Variants in HECTD4 observed in about 807,000 individuals in gnomAD.
HECTD4 encodes the protein HECT domain E3 ubiquitin protein ligase 4.
HECTD4 carries 114 observed loss-of-function variants against 471.5 expected under a neutral mutation model. That is an observed-to-expected ratio of 0.24 (90% CI 0.21 to 0.28). The LOEUF (loss-of-function observed/expected upper bound fraction) is 0.28. Ranked by LOEUF, HECTD4 falls within the 10% of genes least tolerant of loss-of-function variation. The pLI is 1.00. For missense variants in HECTD4, 3,866 were observed against 5,651.5 expected (o/e 0.68, Z 10.13); for synonymous variants, 2,012 against 2,256.0 (o/e 0.89, Z 3.07).
intron 29 of HECTD4, among the ~76,000 whole-genome samples, chr12:112,246,267 G>C (rs1001874917): frequency 1.3e-5 from 2 of 152,116 alleles, no homozygotes; most frequent in African/African-American, 4.8e-5. Context: ...TTCAAGTAAA[G>C]AGGAAAAAAG....
Position 112,239,029 on chromosome 12 carries a change from T to TA in HECTD4, c.5290+22dup. 1 of 1,595,810 alleles carries TA rather than the reference T, an allele frequency of 6.3e-7. No individual in the cohort carries two copies. The highest frequency in any genetic ancestry group is 1.1e-5 in the South Asian group (1 of 87,368). Reference sequence around the variant, plus strand: ...ACCAATAGAAGAAATCAGTGAGCTCTAGAAAGGAGTCTGGCATCTCACCTT... The same window carrying TA: ...ACCAATAGAAGAAATCAGTGAGCTCTAAGAAAGGAGTCTGGCATCTCACCTT... On this transcript the variant is annotated intron_variant, in intron 34 of 75. Transcript: ENST00000682272. This position sits in a 1 kb window ranked among gnomAD's most constrained non-coding sequence, Gnocchi z 4.9.
chr12:112,213,691 A>AAT lies in HECTD4; in HGVS notation c.7466-1043_7466-1042dup. 7.3e-6 allele frequency among the ~76,000 whole-genome samples: 1 copy of AAT among 137,044 alleles called. No homozygotes were observed. The highest frequency in any genetic ancestry group is 1.5e-5 in the Non-Finnish European group (1 of 65,854). 89.9% of individuals were successfully genotyped at this position (137,044 alleles called of 152,430 possible). A position where few individuals can be genotyped will look rare whatever the true frequency, so the allele number is the denominator to read the frequency against. ...ACAGAGCAAGACTCCGTCTCAAAAA[A>AAT]ATATATACATATATATATATATATA... is the stretch of plus-strand genomic sequence containing the variant. On this transcript the variant is annotated intron_variant, in intron 48 of 75. Coordinates refer to ENST00000682272, the MANE Select transcript of HECTD4 (RefSeq NM_001388303.1). This position sits in a 1 kb window ranked among gnomAD's most constrained non-coding sequence, Gnocchi z 4.0.
intron 11 of HECTD4, 52 bp from the exon 12 acceptor site, chr12:112,270,511 C>T (rs979736853): frequency 2.1e-6 from 3 of 1,451,908 alleles, no homozygotes; most frequent in African/African-American, 2.8e-5. Context: ...ATGGGTGGTC[C>T]CCAAAGAATA....
At position 112,194,106 on chromosome 12, in the gene HECTD4, C is replaced by T. The variant is rs918823212; in HGVS notation, c.8750-432G>A. On this transcript the variant is annotated intron_variant, in intron 56 of 75. Coordinates refer to ENST00000682272, the MANE Select transcript of HECTD4 (RefSeq NM_001388303.1). The surrounding 1 kb of genome is among the most constrained non-coding windows in gnomAD (Gnocchi z 4.6). ...TTCTGCCACCACATTTGATGCTTTCCAGGTATATTTCAGGGCATCTAAGTT... is the reference window on the plus strand; with the variant it reads ...TTCTGCCACCACATTTGATGCTTTCTAGGTATATTTCAGGGCATCTAAGTT... Among the ~76,000 whole-genome samples the T allele has an allele frequency of 2.6e-5, 4 of 152,144 alleles. No homozygotes were observed. Among genetic ancestry groups the T allele is most frequent in the African/African-American group, 9.7e-5 (4 of 41,410 alleles).
In HECTD4 at chr12:112,248,156, C is replaced by G; in HGVS notation, c.4159G>C (p.Glu1387Gln). The change falls in exon 27 of 76, where the codon GAA (glutamate) becomes CAA (glutamine). Residue 1387 changes from glutamate to glutamine, a missense_variant. This residue lies in a region of HECTD4 where 281 missense variants were observed against 499.9 expected (regional missense o/e 0.56). Transcript: ENST00000682272. ...TCAACTTCACTTTGCCATTTTTGTTCCAGTTCTGCAACACTCTAATAAATA... is the reference window on the plus strand; with the variant it reads ...TCAACTTCACTTTGCCATTTTTGTTGCAGTTCTGCAACACTCTAATAAATA... ...ERQLQSVAEL[E>Q]QKWQSEVDDA... is the part of the protein sequence containing the mutation. 6.2e-7 allele frequency: 1 copy of G among 1,612,840 alleles called. No individual in the cohort carries two copies.
chr12:112,345,876 T>C (rs552284911), intron 1 of HECTD4, among the ~76,000 whole-genome samples: 4 of 152,160 alleles, frequency 2.6e-5, no homozygotes, highest in South Asian at 2.1e-4. Context: ...GCCTGGGCGA[T>C]AGAGCGAGAC....
intron 7 of HECTD4, 94 bp downstream of exon 7, chr12:112,305,970 G>T: frequency 8.7e-7 from 1 of 1,147,306 alleles, no homozygotes; most frequent in Non-Finnish European, 1.2e-6. Context: ...CACTATACAC[G>T]CTGCAAGGTT....
At chr12:112,234,038 T>G (rs955794560) in intron 37 of HECTD4, among the ~76,000 whole-genome samples, 2 of 152,214 alleles carry the variant, frequency 1.3e-5, no homozygotes. Flanking sequence ...TGGGTATATT[T>G]TTATATTTTT....
intron 58 of HECTD4, 124 bp downstream of exon 58, chr12:112,192,937 A>G: frequency 1.6e-6 from 2 of 1,287,644 alleles, no homozygotes; most frequent in Non-Finnish European, 2.2e-6. Context: ...AGAAATATGG[A>G]GAGAATTGTA....
rs574172207 is a variant in HECTD4 at position 112,194,614 on chromosome 12, A to T, written c.8749+271T>A. 6.6e-6 allele frequency among the ~76,000 whole-genome samples: 1 copy of T among 152,370 alleles called. No homozygotes were observed. The highest frequency in any genetic ancestry group is 6.5e-5 in the Admixed American group (1 of 15,308). On this transcript the variant is annotated intron_variant, in intron 56 of 75. Transcript: ENST00000682272. This position sits in a 1 kb window ranked among gnomAD's most constrained non-coding sequence, Gnocchi z 4.6. ...GGCAACAATACAGTGACTTGGTTTC[A>T]TAAGTAATACTTAATTTTCCTTGAT...
intron 64 of HECTD4, among the ~76,000 whole-genome samples, chr12:112,177,269 T>A (rs932412344): frequency 1.3e-5 from 2 of 152,204 alleles, no homozygotes; most frequent in Admixed American, 6.5e-5. Flanking sequence ...CTGGGTAATA[T>A]TTTGCTATCA....
rs1237911590 is a variant in HECTD4 at position 112,194,793 on chromosome 12, A to G, written c.8749+92T>C. 8.4e-7 allele frequency: 1 copy of G among 1,188,662 alleles called. No homozygotes were observed. Among genetic ancestry groups the G allele is most frequent in the East Asian group, 2.6e-5 (1 of 38,926 alleles). 73.6% of individuals were successfully genotyped at this position (1,188,662 alleles called of 1,614,324 possible). A position where few individuals can be genotyped will look rare whatever the true frequency, so the allele number is the denominator to read the frequency against. On this transcript the variant is annotated intron_variant, in intron 56 of 75. Transcript: ENST00000682272. The surrounding 1 kb of genome is among the most constrained non-coding windows in gnomAD (Gnocchi z 4.6). ...CGTGAGCCTATGCGCACCATGAGGC[A>G]TTTCTCGCCCTCATGCAGGGAATGA...
Position 112,261,329 on chromosome 12 carries a change from C to G in HECTD4, c.2849G>C (p.Ser950Thr), listed in dbSNP as rs1438272335. The change falls in exon 18 of 76, where the codon AGT becomes ACT. Residue 950 changes from serine (S) to threonine (T), a missense_variant. Coordinates refer to ENST00000682272, the MANE Select transcript of HECTD4 (RefSeq NM_001388303.1). Reference protein sequence around the residue: ...LQQVTTALINSDIADREQRLK... With the variant: ...LQQVTTALINTDIADREQRLK... ...CCTCTGCTCACGGTCTGCTATGTCA[C>G]TATTTATGAGGGCAGTTGTGACCTG... The G allele has an allele frequency of 2.5e-6, 4 of 1,607,556 alleles. No homozygotes were observed. In the African/African-American group the frequency reaches 5.3e-5, roughly 21 times the overall value.
intron 44 of HECTD4, chr12:112,226,360 T>C (rs1161978993): frequency 7.2e-6 from 2 of 277,398 alleles, no homozygotes; most frequent in Non-Finnish European, 1.3e-5. Context: ...ATAGTTCTAA[T>C]AGGTAAATAA....
chr12:112,179,189 C>A lies in HECTD4; in HGVS notation c.11196G>T (p.Glu3732Asp). 2 of 1,613,778 alleles carry A rather than the reference C, an allele frequency of 1.2e-6. No individual in the cohort carries two copies. Among genetic ancestry groups the A allele is most frequent in the Non-Finnish European group, 1.7e-6 (2 of 1,179,810 alleles). ...TNVRPPKKVL[E>D]DQLTQILRKY... The stretch of plus-strand genomic sequence containing the variant: ...GGGCAGCTACCTGGGTGAGCTGATC[C>A]TCCAGCACCTTTTTTGGCGGCCGGA... The change falls in exon 63 of 76, where the codon GAG (glutamate) becomes GAT (aspartate). Residue 3732 changes from glutamate to aspartate, a missense_variant. Glu to Asp is a conservative substitution (Grantham distance 45, BLOSUM62 2). Transcript: ENST00000682272. This position sits in a 1 kb window ranked among gnomAD's most constrained non-coding sequence, Gnocchi z 4.3.
chr12:112,162,368 A>T lies in HECTD4; in HGVS notation c.*19T>A, dbSNP rs2030721455. On this transcript the variant is annotated 3_prime_UTR_variant, in exon 76 of 76. Transcript: ENST00000682272. The surrounding 1 kb of genome is among the most constrained non-coding windows in gnomAD (Gnocchi z 5.2). Reference sequence around the variant, plus strand: ...GAGTGGGTGCCTCAGTGACAGCCTAATTCTGGGGCTCCCTCCCATCAGCCA... The same window carrying T: ...GAGTGGGTGCCTCAGTGACAGCCTATTTCTGGGGCTCCCTCCCATCAGCCA... 6.2e-7 allele frequency: 1 copy of T among 1,613,792 alleles called. No individual in the cohort carries two copies. Among genetic ancestry groups the T allele is most frequent in the African/African-American group, 1.3e-5 (1 of 75,048 alleles).
In HECTD4 at chr12:112,219,376, G is replaced by A. The variant is rs758778277; in HGVS notation, c.7074+10C>T. 2.0e-5 allele frequency: 32 copies of A among 1,608,952 alleles called. No individual in the cohort carries two copies. Among genetic ancestry groups the A allele is most frequent in the Non-Finnish European group, 2.5e-5 (29 of 1,175,970 alleles). On this transcript the variant is annotated intron_variant, in intron 45 of 75. Coordinates refer to ENST00000682272, the MANE Select transcript of HECTD4 (RefSeq NM_001388303.1). ...GCTGCAGGAGGCGCGAAGCACCGCA[G>A]AGGGCTCACCTGTCTTCGGTCAGCC...
At chr12:112,180,320 G>T (rs1445365817) in intron 62 of HECTD4, among the ~76,000 whole-genome samples, 2 of 152,206 alleles carry the variant, frequency 1.3e-5, no homozygotes, top group Admixed American at 6.5e-5. Flanking sequence ...GGCTGAGGCA[G>T]GTGGGTCACA....
chr12:112,181,195 C>T (rs2031656799), intron 62 of HECTD4, among the ~76,000 whole-genome samples: 1 of 151,650 alleles, frequency 6.6e-6, no homozygotes, highest in African/African-American at 2.4e-5. Flanking sequence ...CGTAAAAAAA[C>T]CTCCATGATG....
Sources: allele counts gnomAD v4.1 joint callset (sites outside exome capture counted in the v4.1 genomes callset), GRCh38; gene constraint gnomAD v4.1.1; regional missense constraint gnomAD v4.1.1; non-coding constraint Gnocchi (gnomAD v3.1); transcripts MANE v1.5; gene names NCBI Gene and HGNC (gene_info 2026-07-23, HGNC 2026-07-21).